The following RPS6KA2 variants were observed in gnomAD, a reference collection of about 807,000 sequenced individuals.
RPS6KA2 encodes the protein ribosomal protein S6 kinase A2.
In RPS6KA2, 42 loss-of-function variants were observed where a neutral mutation model predicts 91.8. That is an observed-to-expected ratio of 0.46 (90% CI 0.36 to 0.59). The LOEUF (loss-of-function observed/expected upper bound fraction) is 0.59. RPS6KA2 is among the 20% of genes least tolerant of loss of function. The pLI is 0.00. For synonymous variants in RPS6KA2, 414 were observed against 393.6 expected (o/e 1.05, Z -0.61); for missense variants, 798 against 978.5 (o/e 0.82, Z 2.46).
At position 166,849,661 on chromosome 6, in the gene RPS6KA2, G is replaced by A. The variant is rs1289329879; in HGVS notation, c.123+8539C>T. 6.6e-6 allele frequency among the ~76,000 whole-genome samples: 1 copy of A among 152,136 alleles called. No homozygotes were observed. The highest frequency in any genetic ancestry group is 1.5e-5 in the Non-Finnish European group (1 of 68,026). On this transcript the variant is annotated intron_variant, in intron 2 of 21. Transcript: ENST00000503859. The surrounding 1 kb of genome is among the most constrained non-coding windows in gnomAD (Gnocchi z 4.9). ...TTAACTTGGAGATAGGCATTTATTG[G>A]GCTAAATCCTCACGTAGAATGAGCT...
intron 2 of RPS6KA2, among the ~76,000 whole-genome samples, chr6:166,776,125 T>C (rs1483606473): frequency 6.6e-6 from 1 of 152,278 alleles, no homozygotes; most frequent in African/African-American, 2.4e-5. Flanking sequence ...GCCAGGTCCA[T>C]GCAAAAATAC....
chr6:166,734,357 C>G (rs1790613883), intron 2 of RPS6KA2, among the ~76,000 whole-genome samples: 1 of 152,176 alleles, frequency 6.6e-6, no homozygotes, highest in African/African-American at 2.4e-5. Context: ...ATTCTCAACT[C>G]AAGATTTTCT....
intron 1 of RPS6KA2, among the ~76,000 whole-genome samples, chr6:166,574,212 T>C (rs2128511449): frequency 6.6e-6 from 1 of 152,318 alleles, no homozygotes; most frequent in African/African-American, 2.4e-5. Flanking sequence ...GTTTGTTACG[T>C]GGGTCTATTG....
At chr6:166,654,371 G>T (rs749355780) in intron 2 of RPS6KA2, among the ~76,000 whole-genome samples, 1 of 152,206 alleles carries the variant, frequency 6.6e-6, no homozygotes, top group Non-Finnish European at 1.5e-5. Flanking sequence ...GAGCATGAAA[G>T]GGCACGGGCC....
intron 5 of RPS6KA2, among the ~76,000 whole-genome samples, chr6:166,507,529 C>T (rs1201248548): frequency 2.0e-5 from 3 of 151,352 alleles, no homozygotes; most frequent in Admixed American, 2.0e-4. Flanking sequence ...ACATACCACA[C>T]ATACCACATA....
At chr6:166,781,621 C>A (rs1329606912) in intron 2 of RPS6KA2, among the ~76,000 whole-genome samples, 1 of 152,180 alleles carries the variant, frequency 6.6e-6, no homozygotes, top group Non-Finnish European at 1.5e-5. Flanking sequence ...ATGCACTCAC[C>A]CCGGTCAGGC....
Position 166,448,881 on chromosome 6 carries a change from G to T in RPS6KA2, c.1207-32C>A. The T allele has an allele frequency of 6.2e-7, 1 of 1,611,868 alleles. No homozygotes were observed. The highest frequency in any genetic ancestry group is 1.3e-5 in the African/African-American group (1 of 74,944). On this transcript the variant is annotated intron_variant, in intron 13 of 20. Transcript: ENST00000265678. The surrounding 1 kb of genome is among the most constrained non-coding windows in gnomAD (Gnocchi z 4.7). Reference sequence around the variant, plus strand: ...AGGGACCAAGAGAAGAAGAGTTGTCGGAACCCTCACACGAGGGGACGGTGC... The same window carrying T: ...AGGGACCAAGAGAAGAAGAGTTGTCTGAACCCTCACACGAGGGGACGGTGC...
At chr6:166,502,475 C>T (rs1025405603) in intron 6 of RPS6KA2, among the ~76,000 whole-genome samples, 12 of 152,160 alleles carry the variant, frequency 7.9e-5, no homozygotes, top group Admixed American at 7.9e-4. Context: ...CTATTTTTAG[C>T]TGTAAGGATC....
chr6:166,687,484 G>A (rs907147913), intron 2 of RPS6KA2, among the ~76,000 whole-genome samples: 1 of 152,236 alleles, frequency 6.6e-6, no homozygotes, highest in Non-Finnish European at 1.5e-5. Context: ...CACCAGTAGA[G>A]GCCAGCGGGG....
At chr6:166,523,996 A>C (rs1468420408) in intron 3 of RPS6KA2, among the ~76,000 whole-genome samples, 2 of 152,118 alleles carry the variant, frequency 1.3e-5, no homozygotes, top group Non-Finnish European at 2.9e-5. Flanking sequence ...TACAGGAAGG[A>C]CAGAGGGGGC....
intron 11 of RPS6KA2, chr6:166,460,923 G>C (rs772605905): frequency 7.9e-5 from 12 of 152,292 alleles, no homozygotes; most frequent in Non-Finnish European, 1.3e-4. Context: ...GATGAGGCCC[G>C]ACGGGAAGGG....
intron 1 of RPS6KA2, among the ~76,000 whole-genome samples, chr6:166,550,760 T>C (rs1440788072): frequency 1.3e-5 from 2 of 152,040 alleles, no homozygotes; most frequent in African/African-American, 4.8e-5. Flanking sequence ...CCCAGCACTT[T>C]GGGAGGCCAA....
chr6:166,489,507 C>T (rs1781522041), intron 9 of RPS6KA2, among the ~76,000 whole-genome samples: 1 of 152,226 alleles, frequency 6.6e-6, no homozygotes, highest in Non-Finnish European at 1.5e-5. Context: ...CTAGTGCTCC[C>T]TCCAGAAATT....
chr6:166,739,491 T>C (rs1230536024), intron 2 of RPS6KA2, among the ~76,000 whole-genome samples: 1 of 152,224 alleles, frequency 6.6e-6, no homozygotes, highest in Non-Finnish European at 1.5e-5. Flanking sequence ...CCCTGGCGTT[T>C]CTACTGTGAG....
exon 1 of RPS6KA2, chr6:166,862,467 C>G: frequency 1.9e-6 from 2 of 1,049,912 alleles, no homozygotes; most frequent in Non-Finnish European, 2.5e-6. Context: ...CGGGCTGGGG[C>G]GAGGAAAGGA....
intron 2 of RPS6KA2, among the ~76,000 whole-genome samples, chr6:166,802,349 G>A (rs1484361241): frequency 6.6e-6 from 1 of 151,890 alleles, no homozygotes; most frequent in African/African-American, 2.4e-5. Flanking sequence ...GTTCATCGTA[G>A]TGGCCCTTTA....
At chr6:166,526,696 C>T (rs6924732) in intron 3 of RPS6KA2, among the ~76,000 whole-genome samples, 30,000 of 152,054 alleles carry the variant, frequency 0.2, 3,156 homozygotes, top group African/African-American at 0.26. Context: ...TACTCAAGCA[C>T]ATTGTTCCAA....
intron 2 of RPS6KA2, among the ~76,000 whole-genome samples, chr6:166,739,073 A>AG (rs1169237590): frequency 2.6e-5 from 4 of 152,234 alleles, no homozygotes; most frequent in Non-Finnish European, 5.9e-5. Context: ...TTAAAGCCAC[A>AG]GGGAGGGTGG....
At chr6:166,619,754 A>G (rs1786555879) in intron 1 of RPS6KA2, among the ~76,000 whole-genome samples, 1 of 152,240 alleles carries the variant, frequency 6.6e-6, no homozygotes, top group African/African-American at 2.4e-5. Flanking sequence ...CACCCTCAGA[A>G]AGATTGTCCA....
Sources: allele counts gnomAD v4.1 joint callset (sites outside exome capture counted in the v4.1 genomes callset), GRCh38; gene constraint gnomAD v4.1.1; non-coding constraint Gnocchi (gnomAD v3.1); transcripts MANE v1.5; gene names NCBI Gene and HGNC (gene_info 2026-07-23, HGNC 2026-07-21).